The following CSMD1 variants were observed in gnomAD, a reference collection of about 807,000 sequenced individuals.
CSMD1 encodes the protein CUB and Sushi multiple domains 1.
In CSMD1, 213 loss-of-function variants were observed where a neutral mutation model predicts 417.5. The ratio of observed to expected loss-of-function variants is 0.51; its 90% CI spans 0.46 to 0.57. The LOEUF (loss-of-function observed/expected upper bound fraction) is 0.57, where lower values mean the gene tolerates loss of function less well. CSMD1 is among the 20% of genes least tolerant of loss of function. The pLI is 0.00. For missense variants in CSMD1, 6,923 were observed against 4,529.7 expected (o/e 1.53, Z -15.17); for synonymous variants, 2,862 against 1,736.8 (o/e 1.65, Z -16.11).
intron 3 of CSMD1, among the ~76,000 whole-genome samples, chr8:4,387,570 C>CAAAA (rs540419006): frequency 0.014 from 513 of 37,104 alleles, 36 homozygotes; most frequent in African/African-American, 0.03. Flanking sequence ...TCCAAACTGG[C>CAAAA]AAAAAAAAAA....
chr8:3,434,717 A>G (rs1814435566), intron 12 of CSMD1, among the ~76,000 whole-genome samples: 1 of 152,142 alleles, frequency 6.6e-6, no homozygotes, highest in African/African-American at 2.4e-5. Context: ...TTTGCTGCTG[A>G]ATAAAATCAC....
At chr8:4,370,236 G>C (rs1802320687) in intron 3 of CSMD1, among the ~76,000 whole-genome samples, 1 of 152,068 alleles carries the variant, frequency 6.6e-6, no homozygotes, top group African/African-American at 2.4e-5. Flanking sequence ...TTCTTGTTTG[G>C]AATTACTTTT....
At chr8:3,715,686 G>T (rs1483537141) in intron 6 of CSMD1, among the ~76,000 whole-genome samples, 1 of 152,070 alleles carries the variant, frequency 6.6e-6, no homozygotes, top group Non-Finnish European at 1.5e-5. Flanking sequence ...GGGATTACAG[G>T]CACCTGCCAC....
intron 3 of CSMD1, among the ~76,000 whole-genome samples, chr8:4,121,886 G>A (rs151211805): frequency 1.7e-4 from 26 of 152,080 alleles, no homozygotes; most frequent in African/African-American, 5.8e-4. Flanking sequence ...CTATTAGAAT[G>A]ACTCTCAGAT....
At chr8:3,380,061 A>C (rs1192465054) in intron 18 of CSMD1, among the ~76,000 whole-genome samples, 1 of 152,168 alleles carries the variant, frequency 6.6e-6, no homozygotes, top group African/African-American at 2.4e-5. Flanking sequence ...AAACAACCCC[A>C]TCAAAAAGTG....
At chr8:4,989,551 T>C (rs1811356852) in intron 1 of CSMD1, among the ~76,000 whole-genome samples, 1 of 152,196 alleles carries the variant, frequency 6.6e-6, no homozygotes, top group Non-Finnish European at 1.5e-5. Flanking sequence ...CTTTACTATG[T>C]GCAACTACGC....
At chr8:4,909,155 C>T (rs1244910413) in intron 1 of CSMD1, among the ~76,000 whole-genome samples, 1 of 152,052 alleles carries the variant, frequency 6.6e-6, no homozygotes, top group Non-Finnish European at 1.5e-5. Flanking sequence ...GAGGACTGTC[C>T]CTGGCAGGGC....
chr8:3,134,068 C>A (rs1817942490), intron 41 of CSMD1, among the ~76,000 whole-genome samples: 1 of 151,968 alleles, frequency 6.6e-6, no homozygotes, highest in Non-Finnish European at 1.5e-5. Flanking sequence ...GTCCCAGCTA[C>A]TCAGGAGGCA....
chr8:4,391,925 C>A (rs1002122981), intron 3 of CSMD1, among the ~76,000 whole-genome samples: 1 of 152,166 alleles, frequency 6.6e-6, no homozygotes, highest in African/African-American at 2.4e-5. Context: ...CCCTGAGGCT[C>A]CCATGAAGAA....
chr8:3,737,474 C>T (rs1796582602), intron 6 of CSMD1, among the ~76,000 whole-genome samples: 1 of 152,218 alleles, frequency 6.6e-6, no homozygotes, highest in African/African-American at 2.4e-5. Flanking sequence ...ATGCCATCAT[C>T]TTGCTCTCTG....
chr8:4,716,185 G>A (rs993077943), intron 1 of CSMD1, among the ~76,000 whole-genome samples: 1 of 152,174 alleles, frequency 6.6e-6, no homozygotes, highest in Non-Finnish European at 1.5e-5. Context: ...CCCCTGAGCA[G>A]GCGCCACCCA....
At chr8:4,857,686 C>T (rs1439615755) in intron 1 of CSMD1, among the ~76,000 whole-genome samples, 5 of 151,966 alleles carry the variant, frequency 3.3e-5, no homozygotes, top group Non-Finnish European at 2.9e-5. Flanking sequence ...AATTCCTGGA[C>T]ACATACACTC....
At chr8:4,294,879 G>C (rs557225941) in intron 3 of CSMD1, among the ~76,000 whole-genome samples, 1 of 151,704 alleles carries the variant, frequency 6.6e-6, no homozygotes, top group Non-Finnish European at 1.5e-5. Context: ...TGCCCTTTTA[G>C]TAGCTGTCAA....
At chr8:3,895,926 C>T (rs1584927511) in intron 5 of CSMD1, among the ~76,000 whole-genome samples, 1 of 152,198 alleles carries the variant, frequency 6.6e-6, no homozygotes, top group East Asian at 1.9e-4. Context: ...GGAGAGGCAC[C>T]AACCAATAGG....
At chr8:3,253,997 T>C (rs775160069) in intron 26 of CSMD1, among the ~76,000 whole-genome samples, 49 of 152,246 alleles carry the variant, frequency 3.2e-4, no homozygotes, top group Admixed American at 1.1e-3. Context: ...TTGCATGTTT[T>C]TGCAGTGGCT....
chr8:3,304,887 G>C (rs185081616), intron 25 of CSMD1, among the ~76,000 whole-genome samples: 2 of 152,008 alleles, frequency 1.3e-5, no homozygotes, highest in African/African-American at 4.8e-5. Context: ...ACAAAAATGT[G>C]AAATTCTTCT....
intron 1 of CSMD1, among the ~76,000 whole-genome samples, chr8:4,873,548 A>C (rs2116924312): frequency 6.6e-6 from 1 of 152,276 alleles, no homozygotes; most frequent in East Asian, 1.9e-4. Context: ...GCATCTAAGA[A>C]CATATGATAC....
At chr8:4,948,225 T>C (rs1808495519) in intron 1 of CSMD1, among the ~76,000 whole-genome samples, 1 of 152,110 alleles carries the variant, frequency 6.6e-6, no homozygotes. Context: ...TTAGTAGGTA[T>C]CAAATAGTAT....
At chr8:2,996,393 G>A (rs996327868) in intron 54 of CSMD1, among the ~76,000 whole-genome samples, 5 of 152,276 alleles carry the variant, frequency 3.3e-5, no homozygotes, top group African/African-American at 7.2e-5. Context: ...GACCTCCAAT[G>A]TTAGATTTTC....
Sources: allele counts gnomAD v4.1 joint callset (sites outside exome capture counted in the v4.1 genomes callset), GRCh38; gene constraint gnomAD v4.1.1; transcripts MANE v1.5; gene names NCBI Gene and HGNC (gene_info 2026-07-23, HGNC 2026-07-21).